PPFIA1: variants seen among roughly 807,000 people sequenced by gnomAD.
PPFIA1 encodes PPFI scaffold protein A1.
In PPFIA1, 25 loss-of-function variants were observed where a neutral mutation model predicts 149.9. The ratio of observed to expected loss-of-function variants is 0.17; its 90% CI spans 0.12 to 0.23. The LOEUF is 0.23. Among genes scored for constraint, PPFIA1 ranks in the 10% least tolerant of loss-of-function variants. The pLI is 1.00. For synonymous variants in PPFIA1, 549 were observed against 552.8 expected (o/e 0.99, Z 0.10); for missense variants, 1,362 against 1,506.5 (o/e 0.90, Z 1.59).
chr11:70,274,915 T>C (rs2050296383), intron 2 of PPFIA1, among the ~76,000 whole-genome samples: 1 of 152,066 alleles, frequency 6.6e-6, no homozygotes. Flanking sequence ...GGTGGGGTTT[T>C]ACCATGTTGC....
chr11:70,275,872 A>G lies in PPFIA1; in HGVS notation c.264+3436A>G, dbSNP rs75152395. Among the ~76,000 whole-genome samples the G allele has an allele frequency of 1.8e-4, 28 of 152,044 alleles. 1 individual carries two copies. The East Asian group carries it at 5.4e-3, about 29-fold the overall frequency. ...ACTCGGTTGCCCAGACTAGTCTCCA[A>G]CTCCTGGTGTCAAGCGATCCTCTCA... On this transcript the variant is annotated intron_variant, in intron 2 of 27. Coordinates refer to ENST00000253925, the MANE Select transcript of PPFIA1 (RefSeq NM_003626.5).
At chr11:70,358,078 G>A (rs977318203) in intron 19 of PPFIA1, 23 of 152,194 alleles carry the variant, frequency 1.5e-4, no homozygotes, top group Admixed American at 1.3e-3. Context: ...TTGTGCTTGG[G>A]ATCCATGTGG....
At chr11:70,307,328 G>A (rs573494538) in intron 2 of PPFIA1, among the ~76,000 whole-genome samples, 42 of 152,322 alleles carry the variant, frequency 2.8e-4, no homozygotes, top group African/African-American at 8.4e-4. Flanking sequence ...AACCTCATCA[G>A]TAGTTGAACA....
intron 12 of PPFIA1, 33 bp from the exon 13 acceptor site, chr11:70,338,339 GAT>G: frequency 2.0e-6 from 3 of 1,520,390 alleles, no homozygotes; most frequent in Non-Finnish European, 2.7e-6. Context: ...ATCTAAAAGA[GAT>G]AGCAGTAATG....
intron 17 of PPFIA1, 118 bp from the exon 18 acceptor site, chr11:70,355,521 T>G (rs1048993311): frequency 1.0e-6 from 1 of 989,910 alleles, no homozygotes; most frequent in African/African-American, 1.6e-5. Flanking sequence ...CATGATGCAC[T>G]TGGTGAGGAA....
chr11:70,347,847 C>G (rs1046263236), intron 15 of PPFIA1, among the ~76,000 whole-genome samples: 1 of 151,500 alleles, frequency 6.6e-6, no homozygotes, highest in Non-Finnish European at 1.5e-5. Context: ...ACTAAAAATA[C>G]GAAAAATTAG....
At chr11:70,303,365 C>T (rs1388404470) in intron 2 of PPFIA1, among the ~76,000 whole-genome samples, 3 of 152,098 alleles carry the variant, frequency 2.0e-5, no homozygotes, top group East Asian at 1.9e-4. Context: ...ATAAATGTCA[C>T]GGAAAAAGTT....
In PPFIA1 at chr11:70,356,264, G is replaced by A. The variant is rs1356048194; in HGVS notation, c.2582+10G>A. On this transcript the variant is annotated intron_variant, in intron 19 of 27. Coordinates refer to ENST00000253925, the MANE Select transcript of PPFIA1 (RefSeq NM_003626.5). ...GTAAACTTCAAAAAAAGTAAGCTTT[G>A]TGTTATTTCTTCATCTCATTGAATG... 4 of 1,604,918 alleles carry A rather than the reference G, an allele frequency of 2.5e-6. No individual in the cohort carries two copies. Among genetic ancestry groups the A allele is most frequent in the Admixed American group, 1.7e-5 (1 of 59,708 alleles).
At chr11:70,283,085 C>G (rs1432115660) in intron 2 of PPFIA1, among the ~76,000 whole-genome samples, 1 of 147,978 alleles carries the variant, frequency 6.8e-6, no homozygotes, top group East Asian at 2.0e-4. Flanking sequence ...GGTGATCTGC[C>G]CGCCTCAGCC....
chr11:70,354,229 A>G, intron 16 of PPFIA1, 72 bp from the exon 17 acceptor site: 2 of 1,450,016 alleles, frequency 1.4e-6, no homozygotes, highest in Non-Finnish European at 9.4e-7. Context: ...AAAGAAGTTT[A>G]TGGCTATAAT....
At position 70,319,529 on chromosome 11, in the gene PPFIA1, C is replaced by T. The variant is rs79266049; in HGVS notation, c.265-4873C>T. 1.6e-3 allele frequency among the ~76,000 whole-genome samples: 247 copies of T among 152,342 alleles called. 1 individual carries two copies. Among genetic ancestry groups the T allele is most frequent in the African/African-American group, 5.7e-3 (237 of 41,572 alleles). ...TCACTGCTGATTTCCCAGTCTTAAT[C>T]TCCTCCAGCCCGGGGGTAGCAGTGC... On this transcript the variant is annotated intron_variant, in intron 2 of 27. Coordinates refer to ENST00000253925, the MANE Select transcript of PPFIA1 (RefSeq NM_003626.5).
At chr11:70,354,218 C>A in intron 16 of PPFIA1, 83 bp from the exon 17 acceptor site, 1 of 1,411,708 alleles carries the variant, frequency 7.1e-7, no homozygotes, top group South Asian at 1.4e-5. Context: ...AATCGATTTT[C>A]AAAGAAGTTT....
chr11:70,316,643 C>G (rs561967500), intron 2 of PPFIA1, among the ~76,000 whole-genome samples: 3 of 150,448 alleles, frequency 2.0e-5, no homozygotes, highest in African/African-American at 7.4e-5. Flanking sequence ...GGGGCTACTT[C>G]GAGGCATTGG....
rs150317909 is a variant in PPFIA1, at chr11:70,343,743, C to T, written c.1782C>T (p.Phe594=). The T allele has an allele frequency of 3.7e-5, 60 of 1,614,194 alleles. No homozygotes were observed. In the African/African-American group the frequency reaches 5.2e-4, roughly 14 times the overall value. ...ASVLANVAQA[F]ESDADVSDGE... ...TCTTGGCAAATGTAGCACAAGCATT[C>T]GAGAGTGATGCTGACGTGTCTGATG... The change falls in exon 15 of 28, where the codon TTC becomes TTT. Residue 594 remains phenylalanine, a synonymous_variant. Coordinates refer to ENST00000253925, the MANE Select transcript of PPFIA1 (RefSeq NM_003626.5).
chr11:70,279,404 C>T (rs191110573), intron 2 of PPFIA1: 317 of 174,236 alleles, frequency 1.8e-3, no homozygotes, highest in African/African-American at 7.3e-3. Flanking sequence ...TTGAAGCTGC[C>T]TCTGGTGGCT....
chr11:70,299,099 C>T (rs1300973772), intron 2 of PPFIA1, among the ~76,000 whole-genome samples: 3 of 151,990 alleles, frequency 2.0e-5, no homozygotes, highest in East Asian at 1.9e-4. Flanking sequence ...ATTAGCCAAG[C>T]GTGGTGGTGC....
intron 2 of PPFIA1, among the ~76,000 whole-genome samples, chr11:70,281,278 G>C (rs1398931701): frequency 2.6e-5 from 4 of 152,078 alleles, no homozygotes; most frequent in Non-Finnish European, 5.9e-5. Flanking sequence ...CCCAGAGTAG[G>C]GACAGATCAT....
intron 2 of PPFIA1, among the ~76,000 whole-genome samples, chr11:70,310,360 A>G (rs1472649023): frequency 6.6e-6 from 1 of 151,106 alleles, no homozygotes; most frequent in Non-Finnish European, 1.5e-5. Context: ...AGAGAGGCAC[A>G]GTGCATTTTT....
At chr11:70,302,456 C>T (rs1243822597) in intron 2 of PPFIA1, among the ~76,000 whole-genome samples, 1 of 152,128 alleles carries the variant, frequency 6.6e-6, no homozygotes, top group African/African-American at 2.4e-5. Flanking sequence ...GGAGTCTGGG[C>T]GGGCAGAGGG....
Sources: gnomAD v4.1 joint callset for allele counts (sites outside exome capture counted in the v4.1 genomes callset) on GRCh38, gnomAD v4.1.1 for gene constraint, MANE v1.5 for transcripts, NCBI Gene and HGNC (gene_info 2026-07-23, HGNC 2026-07-21) for gene names.